BNC2: variants seen among roughly 807,000 people sequenced by gnomAD.
BNC2 encodes basonuclin zinc finger protein 2.
BNC2 carries 20 observed loss-of-function variants against 76.3 expected under a neutral mutation model. The ratio of observed to expected loss-of-function variants is 0.26; its 90% CI spans 0.18 to 0.38. BNC2 has a LOEUF of 0.38. Among genes scored for constraint, BNC2 ranks in the 10% least tolerant of loss-of-function variants. The pLI, the probability that BNC2 is intolerant of heterozygous loss-of-function variation, is 1.00. For missense variants in BNC2, 1,382 were observed against 1,399.8 expected, an observed-to-expected ratio of 0.99 and a Z score of 0.20; for synonymous variants, 582 against 514.8, an observed-to-expected ratio of 1.13 and a Z score of -1.77.
intron 5 of BNC2, among the ~76,000 whole-genome samples, chr9:16,487,277 C>T (rs535476393): frequency 2.0e-5 from 3 of 152,008 alleles, no homozygotes; most frequent in Admixed American, 6.6e-5. Flanking sequence ...GTGGAGGGGG[C>T]GGGCAGTTCT....
At chr9:16,568,299 T>G (rs373390241) in intron 4 of BNC2, among the ~76,000 whole-genome samples, 2 of 152,310 alleles carry the variant, frequency 1.3e-5, no homozygotes, top group African/African-American at 4.8e-5. Flanking sequence ...CGATGAGATT[T>G]TTATTGGAGC....
chr9:16,758,324 G>A (rs1197091938), intron 1 of BNC2, among the ~76,000 whole-genome samples: 11 of 139,322 alleles, frequency 7.9e-5, no homozygotes, highest in Admixed American at 6.2e-4. Context: ...AACATTAGCC[G>A]CGTTTGCAAA....
At chr9:16,751,280 C>A (rs1476256524) in intron 1 of BNC2, among the ~76,000 whole-genome samples, 8 of 129,312 alleles carry the variant, frequency 6.2e-5, no homozygotes, top group South Asian at 4.5e-4. Context: ...AAAAAAAAAA[C>A]CCTAGTATAT....
At position 16,663,046 on chromosome 9, in the gene BNC2, G is replaced by A. The variant is rs149876598; in HGVS notation, c.330+64751C>T. ...CTCATCTGCTTCACTATACAGCCAAGTGATTTCATCAATAACATCCCTAAC... is the reference window on the plus strand; with the variant it reads ...CTCATCTGCTTCACTATACAGCCAAATGATTTCATCAATAACATCCCTAAC... On this transcript the variant is annotated intron_variant, in intron 3 of 6. Coordinates refer to ENST00000380672, the MANE Select transcript of BNC2 (RefSeq NM_017637.6). 7.3e-5 allele frequency among the ~76,000 whole-genome samples: 11 copies of A among 150,152 alleles called. No homozygotes were observed. The East Asian group carries it at 2.2e-3, about 29-fold the overall frequency.
At chr9:16,778,347 T>C (rs1421330967) in intron 1 of BNC2, among the ~76,000 whole-genome samples, 1 of 151,960 alleles carries the variant, frequency 6.6e-6, no homozygotes, top group Admixed American at 6.6e-5. Flanking sequence ...AATTCCAGAG[T>C]CTTCATGAAA....
intron 1 of BNC2, among the ~76,000 whole-genome samples, chr9:16,809,364 G>T (rs896742175): frequency 1.3e-5 from 2 of 149,542 alleles, no homozygotes; most frequent in Admixed American, 1.3e-4. Flanking sequence ...TTTTTTTATG[G>T]AAAAAAAAAT....
rs554574557 is a variant in BNC2 at position 16,780,098 on chromosome 9, C to T, written c.4-41613G>A. Among the ~76,000 whole-genome samples the T allele has an allele frequency of 7.9e-3, 1,182 of 150,410 alleles. 12 individuals carry two copies. The highest frequency in any genetic ancestry group is 0.024 in the Admixed American group (367 of 15,092). On this transcript the variant is annotated intron_variant, in intron 1 of 6. Transcript: ENST00000380672. ...AAAAATACAAAAAATTAGCCGGGCG[C>T]GGTGGCGGGTGCCTGTAGTCCCAGC...
intron 5 of BNC2, among the ~76,000 whole-genome samples, chr9:16,536,267 A>G (rs988467003): frequency 2.0e-5 from 3 of 152,206 alleles, no homozygotes; most frequent in Non-Finnish European, 2.9e-5. Context: ...AGACAATTCT[A>G]TATTTCAGAA....
chr9:16,506,513 C>CTTTTTTTTTTTTTTTTTT (rs568955982), intron 5 of BNC2, among the ~76,000 whole-genome samples: 2 of 43,314 alleles, frequency 4.6e-5, no homozygotes, highest in African/African-American at 8.1e-5. Context: ...TCTCTCTCCT[C>CTTTTTTTTTTTTTTTTTT]TTTTTTTTTT....
intron 1 of BNC2, among the ~76,000 whole-genome samples, chr9:16,815,017 TGAAAA>T (rs1381236301): frequency 1.3e-5 from 2 of 151,960 alleles, no homozygotes; most frequent in Non-Finnish European, 2.9e-5. Context: ...TAAGCTACCA[TGAAAA>T]GAAATTATAA....
chr9:16,831,218 G>C (rs1234518005), intron 1 of BNC2, among the ~76,000 whole-genome samples: 1 of 152,160 alleles, frequency 6.6e-6, no homozygotes, highest in Non-Finnish European at 1.5e-5. Flanking sequence ...CAAATTAAAA[G>C]ACTTCAAAGG....
chr9:16,782,581 C>G (rs1311519678), intron 1 of BNC2, among the ~76,000 whole-genome samples: 1 of 151,916 alleles, frequency 6.6e-6, no homozygotes, highest in African/African-American at 2.4e-5. Flanking sequence ...CCTTCCTAGA[C>G]CCCTTCCACT....
intron 3 of BNC2, among the ~76,000 whole-genome samples, chr9:16,658,228 A>T (rs957285434): frequency 6.6e-6 from 1 of 152,198 alleles, no homozygotes; most frequent in Non-Finnish European, 1.5e-5. Context: ...CATTTACAAA[A>T]ATTTTCATAT....
intron 1 of BNC2, among the ~76,000 whole-genome samples, chr9:16,804,437 T>C (rs1422751419): frequency 6.6e-6 from 1 of 152,216 alleles, no homozygotes; most frequent in Non-Finnish European, 1.5e-5. Flanking sequence ...TCCACTGTCT[T>C]AGTATGCTAT....
chr9:16,523,711 G>C (rs1026734730), intron 5 of BNC2, among the ~76,000 whole-genome samples: 1 of 151,654 alleles, frequency 6.6e-6, no homozygotes, highest in Non-Finnish European at 1.5e-5. Flanking sequence ...GATCACCTGA[G>C]GTCAATAGTT....
rs376171878 is a variant in BNC2 at position 16,427,572 on chromosome 9, G to A, written c.2640-7923C>T. 6.6e-5 allele frequency among the ~76,000 whole-genome samples: 10 copies of A among 152,272 alleles called. No homozygotes were observed. The South Asian group carries it at 1.5e-3, about 22-fold the overall frequency. On this transcript the variant is annotated intron_variant, in intron 6 of 6. Coordinates refer to ENST00000380672, the MANE Select transcript of BNC2 (RefSeq NM_017637.6). ...TCGTGTCTACCATTGATTAATTACTGAATGTTTAATCAAAATTTAGAAACT... is the reference window on the plus strand; with the variant it reads ...TCGTGTCTACCATTGATTAATTACTAAATGTTTAATCAAAATTTAGAAACT...
chr9:16,786,820 G>A (rs1003178520), intron 1 of BNC2, among the ~76,000 whole-genome samples: 1 of 152,076 alleles, frequency 6.6e-6, no homozygotes, highest in Non-Finnish European at 1.5e-5. Context: ...TTGATCTGCG[G>A]CACAATAACT....
chr9:16,540,756 T>C lies in BNC2; in HGVS notation c.669+11774A>G, dbSNP rs547821333. ...AAGGCTACAAAGGCGCTAATGACAT[T>C]TACCCCCCTAATAAGAGCTGTTCAC... On this transcript the variant is annotated intron_variant, in intron 5 of 6. Transcript: ENST00000380672. Among the ~76,000 whole-genome samples the C allele has an allele frequency of 2.4e-4, 37 of 152,270 alleles. No individual in the cohort carries two copies. In the South Asian group the frequency reaches 7.1e-3, roughly 29 times the overall value.
chr9:16,846,112 C>T (rs936861264), intron 1 of BNC2, among the ~76,000 whole-genome samples: 2 of 142,634 alleles, frequency 1.4e-5, no homozygotes, highest in Admixed American at 7.3e-5. Context: ...TGCACTCCAA[C>T]GTGGGAGACA....
Sources: allele counts gnomAD v4.1 joint callset (sites outside exome capture counted in the v4.1 genomes callset), GRCh38; gene constraint gnomAD v4.1.1; transcripts MANE v1.5; gene names NCBI Gene and HGNC (gene_info 2026-07-23, HGNC 2026-07-21).